CDH13: variants seen among roughly 807,000 people sequenced by gnomAD.
CDH13 encodes cadherin-13.
In CDH13, 24 loss-of-function variants were observed where a neutral mutation model predicts 63.8. The ratio of observed to expected loss-of-function variants is 0.38; its 90% CI spans 0.27 to 0.53. The LOEUF is 0.53. Among genes scored for constraint, CDH13 ranks in the 20% least tolerant of loss-of-function variants. The probability of loss-of-function intolerance (pLI) is 0.85; values close to 1 mark genes in which losing one functional copy is unlikely to be tolerated. For missense variants in CDH13, 1,049 were observed against 903.1 expected (o/e 1.16, Z -2.07); for synonymous variants, 503 against 355.3 (o/e 1.42, Z -4.67).
At chr16:83,699,884 C>G (rs891628936) in intron 10 of CDH13, among the ~76,000 whole-genome samples, 1 of 152,194 alleles carries the variant, frequency 6.6e-6, no homozygotes, top group Non-Finnish European at 1.5e-5. Flanking sequence ...GGACTCTTCT[C>G]TCCAATTTCT....
intron 4 of CDH13, among the ~76,000 whole-genome samples, chr16:83,173,238 G>A (rs866897857): frequency 1.4e-4 from 21 of 152,172 alleles, no homozygotes; most frequent in African/African-American, 3.6e-4. Context: ...TGAATCCAGC[G>A]TTTGAACTCA....
chr16:82,828,302 G>A (rs530023405), intron 1 of CDH13, among the ~76,000 whole-genome samples: 4 of 152,102 alleles, frequency 2.6e-5, no homozygotes, highest in Non-Finnish European at 4.4e-5. Context: ...CCACATCTGC[G>A]GATTCAATGA....
At chr16:83,045,634 T>TAAAAAAAAAAAAAAAAAAAAA (rs71382861) in intron 3 of CDH13, among the ~76,000 whole-genome samples, 3 of 107,954 alleles carry the variant, frequency 2.8e-5, no homozygotes, top group African/African-American at 1.1e-4. Context: ...AAGATTCCTT[T>TAAAAAAAAAAAAAAAAAAAAA]AAAAAAAAAA....
chr16:82,876,320 A>G (rs1471425656), intron 2 of CDH13, among the ~76,000 whole-genome samples: 2 of 152,232 alleles, frequency 1.3e-5, no homozygotes, highest in African/African-American at 4.8e-5. Context: ...GCCTGAAACC[A>G]TCATTGAGTA....
chr16:83,493,545 G>A (rs186735834), intron 7 of CDH13, among the ~76,000 whole-genome samples: 9 of 152,276 alleles, frequency 5.9e-5, no homozygotes, highest in Admixed American at 2.0e-4. Flanking sequence ...CCTGGAGTGC[G>A]GAAGCAGAAG....
chr16:82,982,106 G>A (rs1910342172), intron 2 of CDH13, among the ~76,000 whole-genome samples: 1 of 151,830 alleles, frequency 6.6e-6, no homozygotes, highest in African/African-American at 2.4e-5. Context: ...ATGATCTTAG[G>A]CAATTTATTA....
At chr16:83,220,293 T>C (rs2039659395) in intron 5 of CDH13, among the ~76,000 whole-genome samples, 1 of 152,238 alleles carries the variant, frequency 6.6e-6, no homozygotes, top group South Asian at 2.1e-4. Flanking sequence ...AGAACTGGGT[T>C]ACTCTCATGT....
At chr16:83,265,495 T>G (rs890991475) in intron 5 of CDH13, among the ~76,000 whole-genome samples, 2 of 152,196 alleles carry the variant, frequency 1.3e-5, no homozygotes, top group Non-Finnish European at 2.9e-5. Context: ...CTCTTAAAAA[T>G]ACTTCGTACA....
intron 7 of CDH13, among the ~76,000 whole-genome samples, chr16:83,541,894 C>T (rs1391915859): frequency 6.6e-6 from 1 of 152,182 alleles, no homozygotes; most frequent in Non-Finnish European, 1.5e-5. Context: ...AATGCAAGCC[C>T]CATGGGACAG....
intron 5 of CDH13, among the ~76,000 whole-genome samples, chr16:83,260,257 A>G (rs1597612413): frequency 6.6e-6 from 1 of 152,150 alleles, no homozygotes; most frequent in Admixed American, 6.5e-5. Flanking sequence ...AATTGATTTT[A>G]TGATCTAAAA....
At chr16:83,762,329 T>C (rs1209551454) in intron 11 of CDH13, among the ~76,000 whole-genome samples, 1 of 152,110 alleles carries the variant, frequency 6.6e-6, no homozygotes, top group Non-Finnish European at 1.5e-5. Flanking sequence ...GTACAGGCAC[T>C]CTTTTATGGA....
intron 6 of CDH13, among the ~76,000 whole-genome samples, chr16:83,429,772 T>G (rs539087424): frequency 6.6e-6 from 1 of 152,280 alleles, no homozygotes; most frequent in African/African-American, 2.4e-5. Flanking sequence ...TTATTTTATT[T>G]TATTGTGGTA....
intron 1 of CDH13, among the ~76,000 whole-genome samples, chr16:82,810,943 G>T (rs1176108159): frequency 1.3e-5 from 2 of 152,162 alleles, no homozygotes; most frequent in Non-Finnish European, 2.9e-5. Flanking sequence ...AACAGCAATG[G>T]TTCTTAGCTG....
rs945460002 is a variant in CDH13 at position 83,800,159 on chromosome 16, G to A, written c.*5129G>A. Reference sequence around the variant, plus strand: ...GAGATGGTGAAAAGCGTTGGGTGGTGTAGGACGAGGGAGGTTTTCACTCTG... The same window carrying A: ...GAGATGGTGAAAAGCGTTGGGTGGTATAGGACGAGGGAGGTTTTCACTCTG... On this transcript the variant is annotated 3_prime_UTR_variant, in exon 14 of 14. Transcript: ENST00000567109. 4 of 152,194 alleles carry A rather than the reference G, an allele frequency of 2.6e-5. No individual in the cohort carries two copies. The highest frequency in any genetic ancestry group is 5.9e-5 in the Non-Finnish European group (4 of 68,038). The allele number at this position is 152,194 out of a possible 1,614,324, so 9.4% of individuals were successfully genotyped here. A position where few individuals can be genotyped will look rare whatever the true frequency, so the allele number is the denominator to read the frequency against.
At chr16:82,638,080 C>G (rs1051399757) in intron 1 of CDH13, among the ~76,000 whole-genome samples, 1 of 152,236 alleles carries the variant, frequency 6.6e-6, no homozygotes, top group Admixed American at 6.5e-5. Context: ...CCTTCCTTTG[C>G]TCCTTTGCTT....
intron 8 of CDH13, chr16:83,654,924 A>G (rs145068687): frequency 1.3e-5 from 2 of 152,262 alleles, no homozygotes; most frequent in African/African-American, 4.8e-5. Flanking sequence ...TCCCTGGGGC[A>G]CGTGTTCTCA....
chr16:82,673,062 GA>G (rs958900730), intron 1 of CDH13, among the ~76,000 whole-genome samples: 1 of 134,688 alleles, frequency 7.4e-6, no homozygotes, highest in African/African-American at 2.9e-5. Flanking sequence ...GGCTGGTCTC[GA>G]ACTCCTGGGC....
chr16:83,776,896 C>T (rs995656033), intron 11 of CDH13, among the ~76,000 whole-genome samples: 1 of 152,210 alleles, frequency 6.6e-6, no homozygotes, highest in Admixed American at 6.5e-5. Context: ...AGAGAAGTTT[C>T]AAAGCCATCT....
intron 1 of CDH13, among the ~76,000 whole-genome samples, chr16:82,645,454 A>G (rs911572047): frequency 1.3e-5 from 2 of 151,932 alleles, no homozygotes; most frequent in Non-Finnish European, 2.9e-5. Flanking sequence ...ACAGTTTGCA[A>G]TATCTACAGA....
Sources: gnomAD v4.1 joint callset for allele counts (sites outside exome capture counted in the v4.1 genomes callset) on GRCh38, gnomAD v4.1.1 for gene constraint, MANE v1.5 for transcripts, NCBI Gene and HGNC (gene_info 2026-07-23, HGNC 2026-07-21) for gene names.